The following CCDC14 variants were observed in gnomAD, a reference collection of about 807,000 sequenced individuals.
CCDC14 encodes the protein coiled-coil domain-containing protein 14.
A neutral mutation model predicts 81.4 loss-of-function variants in CCDC14; 71 were observed. The observed-to-expected ratio is 0.87, with a 90% CI of 0.72 to 1.06. The LOEUF (loss-of-function observed/expected upper bound fraction) is 1.06, where lower values mean the gene tolerates loss of function less well. CCDC14 is among the 50% of genes least tolerant of loss of function. CCDC14 has a pLI of 0.00. For missense variants in CCDC14, 1,046 were observed against 1,047.3 expected (o/e 1.00, Z 0.02); for synonymous variants, 332 against 364.8 (o/e 0.91, Z 1.03).
chr3:123,933,801 T>A (rs1394481623), intron 9 of CCDC14, 46 bp from the exon 10 acceptor site: 3 of 1,278,860 alleles, frequency 2.3e-6, no homozygotes, highest in Non-Finnish European at 3.3e-6. Flanking sequence ...ACCAAGCCAA[T>A]TTAATAGTAT....
intron 12 of CCDC14, among the ~76,000 whole-genome samples, chr3:123,925,357 T>C (rs2035303606): frequency 6.6e-6 from 1 of 151,834 alleles, no homozygotes; most frequent in Non-Finnish European, 1.5e-5. Flanking sequence ...GTATGGGAAA[T>C]GGGGAGATGT....
intron 12 of CCDC14, among the ~76,000 whole-genome samples, chr3:123,918,343 C>T (rs1378287959): frequency 1.3e-5 from 2 of 152,240 alleles, no homozygotes; most frequent in East Asian, 1.9e-4. Context: ...TTAAAAAATG[C>T]CTCTTTCTAG....
chr3:123,920,262 T>A (rs1468304150), intron 12 of CCDC14, among the ~76,000 whole-genome samples: 2 of 152,132 alleles, frequency 1.3e-5, no homozygotes, highest in Non-Finnish European at 2.9e-5. Flanking sequence ...CTACAGGTAT[T>A]ATGAGATACC....
chr3:123,937,369 T>C (rs1036790243), intron 9 of CCDC14, among the ~76,000 whole-genome samples: 24 of 152,088 alleles, frequency 1.6e-4, no homozygotes, highest in Admixed American at 3.3e-4. Flanking sequence ...CTAATGGGTA[T>C]GCAGTGGTAT....
intron 9 of CCDC14, among the ~76,000 whole-genome samples, chr3:123,944,294 G>A (rs1425120784): frequency 6.6e-6 from 1 of 152,140 alleles, no homozygotes; most frequent in Admixed American, 6.6e-5. Context: ...ATTAGGCAGG[G>A]CCATGTGCCT....
At chr3:123,920,514 T>C (rs752121436) in intron 12 of CCDC14, among the ~76,000 whole-genome samples, 5 of 152,130 alleles carry the variant, frequency 3.3e-5, no homozygotes, top group Non-Finnish European at 7.3e-5. Context: ...ATAAGAAACA[T>C]CACACACTAG....
Position 123,957,109 on chromosome 3 carries a change from T to G in CCDC14, c.31-314A>C, listed in dbSNP as rs147737993. The stretch of plus-strand genomic sequence containing the variant: ...ATCTATATTGTAGCATGTGTCAAAA[T>G]TTTTCTTCCTTTTTGAGGTCAAATA... On this transcript the variant is annotated intron_variant, in intron 1 of 12. Transcript: ENST00000409697. 2.4e-3 allele frequency: 402 copies of G among 169,342 alleles called. 2 individuals are homozygous for G. The highest frequency in any genetic ancestry group is 9.2e-3 in the African/African-American group (387 of 42,158). 10.5% of individuals were successfully genotyped at this position (169,342 alleles called of 1,614,324 possible). A position where few individuals can be genotyped will look rare whatever the true frequency, so the allele number is the denominator to read the frequency against.
At chr3:123,885,294 C>T in the CCDC14 span, among the ~76,000 whole-genome samples, 1 of 152,030 alleles carries the variant, frequency 6.6e-6, no homozygotes, top group Middle Eastern at 3.2e-3. Flanking sequence ...GTAATCACCA[C>T]CTGGATCAAG....
At chr3:123,936,641 T>TA (rs2036071407) in intron 9 of CCDC14, among the ~76,000 whole-genome samples, 1 of 151,952 alleles carries the variant, frequency 6.6e-6, no homozygotes, top group Non-Finnish European at 1.5e-5. Context: ...GATAAGAACT[T>TA]ATTAACACAA....
At chr3:123,902,125 C>A (rs1309649556) in intron 5 of CCDC14, among the ~76,000 whole-genome samples, 1 of 152,094 alleles carries the variant, frequency 6.6e-6, no homozygotes, top group East Asian at 1.9e-4. Context: ...ACTAAAAAAA[C>A]CAGTCATCAT....
intron 10 of CCDC14, 101 bp downstream of exon 10, chr3:123,933,571 AT>A (rs2035872599): frequency 1.3e-6 from 1 of 746,958 alleles, no homozygotes; most frequent in African/African-American, 1.8e-5. Flanking sequence ...TTTCTACAAT[AT>A]TTTAAATTTA....
At chr3:123,923,888 C>T (rs1270925197) in intron 12 of CCDC14, among the ~76,000 whole-genome samples, 2 of 150,260 alleles carry the variant, frequency 1.3e-5, no homozygotes, top group Non-Finnish European at 3.0e-5. Flanking sequence ...CCTACAAATT[C>T]AACAGAATTC....
chr3:123,944,957 A>G lies in CCDC14; in HGVS notation c.1235T>C (p.Met412Thr). The G allele has an allele frequency of 6.2e-7, 1 of 1,606,916 alleles. No homozygotes were observed. Among genetic ancestry groups the G allele is most frequent in the Non-Finnish European group, 8.5e-7 (1 of 1,175,108 alleles). ...DSEIQRLITE[M>T]EACISVLPTV... ...TGGAAGTACAGATATACATGCCTCCATTTCTGTAATCAACCTCTGAATTTC... is the reference window on the plus strand; with the variant it reads ...TGGAAGTACAGATATACATGCCTCCGTTTCTGTAATCAACCTCTGAATTTC... The change falls in exon 9 of 13, where the codon ATG (methionine) becomes ACG (threonine). Residue 412 changes from methionine to threonine, a missense_variant. By Grantham distance (81) the Met-to-Thr change is moderately conservative. Coordinates refer to ENST00000409697, the MANE Select transcript of CCDC14 (RefSeq NM_001366335.1).
At chr3:123,944,254 T>C (rs1463487901) in intron 9 of CCDC14, among the ~76,000 whole-genome samples, 3 of 152,138 alleles carry the variant, frequency 2.0e-5, no homozygotes, top group African/African-American at 7.2e-5. Context: ...AAAAACAGTT[T>C]GCTTTTAACA....
chr3:123,897,578 C>A (rs1014647402), exon 6 of CCDC14: 2 of 1,206,290 alleles, frequency 1.7e-6, no homozygotes, highest in South Asian at 1.4e-5. Context: ...TTGTGTAAGA[C>A]TTTGCAGAAC....
At chr3:123,951,610 T>C (rs2037024084) in intron 5 of CCDC14, among the ~76,000 whole-genome samples, 1 of 152,220 alleles carries the variant, frequency 6.6e-6, no homozygotes, top group African/African-American at 2.4e-5. Flanking sequence ...CCTGGGTCTT[T>C]CCTTCTGCTC....
chr3:123,895,312 T>C (rs1465468468), downstream of CCDC14, among the ~76,000 whole-genome samples: 2 of 152,018 alleles, frequency 1.3e-5, no homozygotes, highest in Admixed American at 6.6e-5. Context: ...TAAAAATAAA[T>C]AAATAAATAA....
chr3:123,926,784 A>C (rs2035389485), intron 12 of CCDC14, among the ~76,000 whole-genome samples: 1 of 152,060 alleles, frequency 6.6e-6, no homozygotes, highest in South Asian at 2.1e-4. Flanking sequence ...CCTCCCCCAA[A>C]GTCTGAGAAA....
At chr3:123,917,277 T>C (rs1409027728) in intron 12 of CCDC14, among the ~76,000 whole-genome samples, 1 of 151,512 alleles carries the variant, frequency 6.6e-6, no homozygotes, top group Non-Finnish European at 1.5e-5. Context: ...GCAGATCACC[T>C]GAGGTCAGGA....
Sources: gnomAD v4.1 joint callset for allele counts (sites outside exome capture counted in the v4.1 genomes callset) on GRCh38, gnomAD v4.1.1 for gene constraint, MANE v1.5 for transcripts, NCBI Gene and HGNC (gene_info 2026-07-23, HGNC 2026-07-21) for gene names.